Variants in CCDC171 observed in about 807,000 individuals in gnomAD.
CCDC171 encodes coiled-coil domain containing 171, also known as coiled-coil domain-containing protein 171.
A neutral mutation model predicts 168.2 loss-of-function variants in CCDC171; 177 were observed. The ratio of observed to expected loss-of-function variants is 1.05; its 90% CI spans 0.93 to 1.19. The LOEUF (loss-of-function observed/expected upper bound fraction) is 1.19. Among genes scored for constraint, CCDC171 ranks in the 50% most tolerant of loss-of-function variants. The pLI is 0.00. For synonymous variants in CCDC171, 687 were observed against 540.8 expected, an observed-to-expected ratio of 1.27 and a Z score of -3.75; for missense variants, 1,991 against 1,539.0, an observed-to-expected ratio of 1.29 and a Z score of -4.91.
At chr9:16,093,823 T>C in the CCDC171 span, among the ~76,000 whole-genome samples, 4 of 152,322 alleles carry the variant, frequency 2.6e-5, no homozygotes, top group Admixed American at 2.0e-4. Context: ...TAGACCCATA[T>C]GCCACAACTA....
At chr9:16,004,166 C>A (rs1262819684) in intron 3 of CCDC171, among the ~76,000 whole-genome samples, 1 of 152,044 alleles carries the variant, frequency 6.6e-6, no homozygotes, top group Non-Finnish European at 1.5e-5. Flanking sequence ...GCCACCATAT[C>A]TGTCCAGTTT....
the CCDC171 span, among the ~76,000 whole-genome samples, chr9:16,098,717 C>T: frequency 2.0e-5 from 3 of 152,174 alleles, no homozygotes; most frequent in Non-Finnish European, 2.9e-5. Context: ...CAATTCACAA[C>T]CAGTGTTTTA....
chr9:15,726,391 G>C (rs904452518), intron 14 of CCDC171, among the ~76,000 whole-genome samples: 1 of 152,174 alleles, frequency 6.6e-6, no homozygotes, highest in African/African-American at 2.4e-5. Flanking sequence ...AATTATCCTT[G>C]AGGATGAACT....
chr9:15,971,661 C>G lies in CCDC171; in HGVS notation c.3806C>G (p.Pro1269Arg). ...TCCATTCCTTCAAGAGCTCCTCTTC[C>G]TGCTGACACAACTGGTATTGGGGAT... ...NLSIPSRAPL[P>R]ADTTGIGDFL... Residue 1269 changes from proline to arginine, a missense_variant, in exon 26 of 26, where the codon CCT (proline) becomes CGT (arginine). Transcript: ENST00000380701. The G allele has an allele frequency of 6.2e-7, 1 of 1,613,876 alleles. No homozygotes were observed. The highest frequency in any genetic ancestry group is 8.5e-7 in the Non-Finnish European group (1 of 1,179,876).
In CCDC171 at chr9:15,623,472, C is replaced by CGCGCGCGCGCGCGT. The variant is rs1430942718; in HGVS notation, c.822+63_822+64insGCGCGCGCGTGCGC. 283 of 736,354 alleles carry CGCGCGCGCGCGCGT rather than the reference C, an allele frequency of 3.8e-4. 1 individual carries two copies. Among genetic ancestry groups the CGCGCGCGCGCGCGT allele is most frequent in the Non-Finnish European group, 3.9e-4 (183 of 467,466 alleles). 45.6% of individuals were successfully genotyped at this position (736,354 alleles called of 1,614,324 possible). ...GTACAAACTTTCACATATGCGCGCG[C>CGCGCGCGCGCGCGT]GCGCACACACACACACACACACACA... On this transcript the variant is annotated intron_variant, in intron 7 of 25. Transcript: ENST00000380701.
chr9:16,087,460 A>G, the CCDC171 span, among the ~76,000 whole-genome samples: 8 of 150,480 alleles, frequency 5.3e-5, no homozygotes, highest in Middle Eastern at 3.5e-3. Flanking sequence ...TTCTTGTTGC[A>G]TTGATCCCTT....
intron 11 of CCDC171, among the ~76,000 whole-genome samples, chr9:15,712,049 G>A (rs1465043934): frequency 6.6e-6 from 1 of 152,186 alleles, no homozygotes; most frequent in Non-Finnish European, 1.5e-5. Flanking sequence ...GTAAGCTCTG[G>A]CAGGAGTCTG....
intron 21 of CCDC171, among the ~76,000 whole-genome samples, chr9:15,826,897 A>C (rs1265208949): frequency 6.6e-6 from 1 of 152,242 alleles, no homozygotes; most frequent in Non-Finnish European, 1.5e-5. Context: ...AACACATGAC[A>C]TATTGTTCTA....
intron 24 of CCDC171, among the ~76,000 whole-genome samples, chr9:15,907,658 G>C (rs575007349): frequency 1.3e-5 from 2 of 152,314 alleles, no homozygotes; most frequent in East Asian, 3.9e-4. Flanking sequence ...ATTGACAGAT[G>C]GGATCTAATT....
chr9:15,745,514 G>T lies in CCDC171; in HGVS notation c.2555-1G>T. Reference sequence around the variant, plus strand: ...TACAATGGATTTTTTCAATTTTATAGAACATCAAAAGGAGCAGTTGCGTTG... The same window carrying T: ...TACAATGGATTTTTTCAATTTTATATAACATCAAAAGGAGCAGTTGCGTTG... On this transcript the variant is annotated splice_acceptor_variant, in intron 17 of 25. Coordinates refer to ENST00000380701, the MANE Select transcript of CCDC171 (RefSeq NM_173550.4). LOFTEE classifies it high-confidence loss of function. 6.5e-7 allele frequency: 1 copy of T among 1,530,952 alleles called. No individual in the cohort carries two copies. The highest frequency in any genetic ancestry group is 8.8e-7 in the Non-Finnish European group (1 of 1,142,646). 94.8% of individuals were successfully genotyped at this position (1,530,952 alleles called of 1,614,324 possible).
intron 21 of CCDC171, among the ~76,000 whole-genome samples, chr9:15,790,193 T>G (rs534267585): frequency 6.6e-6 from 1 of 152,248 alleles, no homozygotes; most frequent in African/African-American, 2.4e-5. Context: ...CCACAATGGT[T>G]GAACTAGTTT....
intron 3 of CCDC171, among the ~76,000 whole-genome samples, chr9:16,017,587 C>G (rs1266099015): frequency 6.6e-6 from 1 of 152,082 alleles, no homozygotes; most frequent in Non-Finnish European, 1.5e-5. Context: ...CATCACTTAC[C>G]AAAAAGCTTA....
intron 7 of CCDC171, among the ~76,000 whole-genome samples, chr9:15,634,363 C>G (rs1251299874): frequency 6.6e-6 from 1 of 151,884 alleles, no homozygotes; most frequent in Admixed American, 6.6e-5. Flanking sequence ...GGGATATCTG[C>G]TAGTTTCAGG....
intron 6 of CCDC171, among the ~76,000 whole-genome samples, chr9:15,598,614 AT>A: frequency 6.6e-6 from 1 of 152,274 alleles, no homozygotes; most frequent in Non-Finnish European, 1.5e-5. Flanking sequence ...GCTGAAAAGA[AT>A]TTGTATTCTG....
intron 6 of CCDC171, among the ~76,000 whole-genome samples, chr9:15,609,814 C>T (rs538034339): frequency 1.2e-4 from 19 of 152,142 alleles, no homozygotes; most frequent in African/African-American, 4.6e-4. Flanking sequence ...AGGGGTTATT[C>T]TTGGCTTTTT....
chr9:15,574,320 T>A (rs1471523381), intron 3 of CCDC171, among the ~76,000 whole-genome samples: 1 of 152,094 alleles, frequency 6.6e-6, no homozygotes, highest in Non-Finnish European at 1.5e-5. Context: ...AATTTTTGTA[T>A]TTTTAGTAGA....
At chr9:15,646,787 C>T (rs2047077083) in intron 7 of CCDC171, among the ~76,000 whole-genome samples, 1 of 152,110 alleles carries the variant, frequency 6.6e-6, no homozygotes, top group African/African-American at 2.4e-5. Flanking sequence ...CTTAGACTCC[C>T]ACACAATAAT....
chr9:15,848,977 A>G (rs1389202440), intron 23 of CCDC171, 30 bp downstream of exon 23: 5 of 1,233,090 alleles, frequency 4.1e-6, no homozygotes, highest in Admixed American at 4.5e-5. Context: ...ATATTGTTCA[A>G]TTTGTGTCAT....
At chr9:15,988,836 A>C (rs1832087532) in intron 3 of CCDC171, among the ~76,000 whole-genome samples, 2 of 152,138 alleles carry the variant, frequency 1.3e-5, no homozygotes, top group African/African-American at 4.8e-5. Context: ...CATTGCTAGC[A>C]CAGCAGTCTG....
Sources: gnomAD v4.1 joint callset for allele counts (sites outside exome capture counted in the v4.1 genomes callset) on GRCh38, gnomAD v4.1.1 for gene constraint, MANE v1.5 for transcripts, NCBI Gene and HGNC (gene_info 2026-07-23, HGNC 2026-07-21) for gene names.